The following MAGI2 variants were observed in gnomAD, a reference collection of about 807,000 sequenced individuals.
The protein encoded by MAGI2 is membrane associated guanylate kinase, WW and PDZ domain containing 2.
A neutral mutation model predicts 133.3 loss-of-function variants in MAGI2; 35 were observed. That is an observed-to-expected ratio of 0.26 (90% CI 0.20 to 0.35). The LOEUF is 0.35. Among genes scored for constraint, MAGI2 ranks in the 10% least tolerant of loss-of-function variants. The pLI, the probability that MAGI2 is intolerant of heterozygous loss-of-function variation, is 1.00. For synonymous variants in MAGI2, 729 were observed against 710.6 expected (o/e 1.03, Z -0.41); for missense variants, 1,636 against 1,863.4 (o/e 0.88, Z 2.25).
At chr7:78,467,737 C>T (rs1558700) in intron 6 of MAGI2, among the ~76,000 whole-genome samples, 146,133 of 152,204 alleles carry the variant, frequency 0.96, 70,455 homozygotes, top group South Asian at 1. Flanking sequence ...AAATGACTTA[C>T]GTACTAGGTT....
chr7:78,684,082 C>G lies in MAGI2; in HGVS notation c.419-56843G>C, dbSNP rs115387503. Among the ~76,000 whole-genome samples the G allele has an allele frequency of 1.2e-3, 187 of 152,236 alleles. 2 individuals carry two copies. Among genetic ancestry groups the G allele is most frequent in the African/African-American group, 4.3e-3 (177 of 41,546 alleles). On this transcript the variant is annotated intron_variant, in intron 2 of 21. Coordinates refer to ENST00000354212, the MANE Select transcript of MAGI2 (RefSeq NM_012301.4). Reference sequence around the variant, plus strand: ...CTTCATGCCAGATGCTCTTTTTGGACTGGCTAAGCCCAATATAGTATGTAT... The same window carrying G: ...CTTCATGCCAGATGCTCTTTTTGGAGTGGCTAAGCCCAATATAGTATGTAT...
chr7:78,056,331 G>T (rs150138350), intron 21 of MAGI2, among the ~76,000 whole-genome samples: 6,702 of 152,088 alleles, frequency 0.044, 197 homozygotes, highest in East Asian at 0.077. Context: ...TATACCCAAA[G>T]GAATATAAAT....
At chr7:79,007,860 G>A (rs1807611501) in intron 1 of MAGI2, among the ~76,000 whole-genome samples, 1 of 151,642 alleles carries the variant, frequency 6.6e-6, no homozygotes, top group African/African-American at 2.4e-5. Context: ...ATCTACAAAT[G>A]TTTTTAGCAA....
rs554467271 is a variant in MAGI2 at position 78,812,812 on chromosome 7, A to T, written c.419-185573T>A. ...TATCTTTTAACTAGGTTGAAATGGG[A>T]CTGATGAGCCCATTGCTTGGATGTG... is the stretch of plus-strand genomic sequence containing the variant. On this transcript the variant is annotated intron_variant, in intron 2 of 21. Coordinates refer to ENST00000354212, the MANE Select transcript of MAGI2 (RefSeq NM_012301.4). 3.3e-5 allele frequency among the ~76,000 whole-genome samples: 5 copies of T among 152,318 alleles called. No homozygotes were observed. In the East Asian group the frequency reaches 9.6e-4, roughly 29 times the overall value.
intron 1 of MAGI2, among the ~76,000 whole-genome samples, chr7:79,071,345 C>A (rs995318497): frequency 2.0e-5 from 3 of 152,022 alleles, no homozygotes; most frequent in Non-Finnish European, 4.4e-5. Flanking sequence ...GGCACCCCCC[C>A]AGATGCCAGC....
At chr7:78,283,648 T>C (rs1217416221) in intron 9 of MAGI2, among the ~76,000 whole-genome samples, 1 of 152,068 alleles carries the variant, frequency 6.6e-6, no homozygotes, top group Non-Finnish European at 1.5e-5. Context: ...CAATTTTTCA[T>C]GGGAGAGAAT....
chr7:78,111,848 A>T (rs574558088), intron 20 of MAGI2, among the ~76,000 whole-genome samples: 1 of 152,344 alleles, frequency 6.6e-6, no homozygotes, highest in South Asian at 2.1e-4. Context: ...GCTTGTAAAG[A>T]GGCACGCTGT....
intron 2 of MAGI2, among the ~76,000 whole-genome samples, chr7:78,705,030 T>G (rs1818491674): frequency 6.6e-6 from 1 of 151,956 alleles, no homozygotes; most frequent in South Asian, 2.1e-4. Context: ...GAGGGTATAT[T>G]TACACCACAG....
intron 2 of MAGI2, among the ~76,000 whole-genome samples, chr7:78,677,686 T>C (rs937702539): frequency 2.6e-5 from 4 of 152,152 alleles, no homozygotes; most frequent in Non-Finnish European, 4.4e-5. Flanking sequence ...ATGGATTTAC[T>C]GGGGATTCTT....
chr7:78,616,891 T>A (rs1182739554), intron 3 of MAGI2: 1 of 152,192 alleles, frequency 6.6e-6, no homozygotes, highest in African/African-American at 2.4e-5. Context: ...TAGGTGCCAG[T>A]GATTATTCTA....
intron 6 of MAGI2, among the ~76,000 whole-genome samples, chr7:78,430,302 T>C (rs556108738): frequency 1.4e-4 from 20 of 143,842 alleles, no homozygotes; most frequent in Admixed American, 1.1e-3. Context: ...GAAGAAATAC[T>C]TAGGAATTAA....
At chr7:78,954,335 T>G (rs1331827292) in intron 2 of MAGI2, among the ~76,000 whole-genome samples, 1 of 151,492 alleles carries the variant, frequency 6.6e-6, no homozygotes, top group Non-Finnish European at 1.5e-5. Flanking sequence ...GTTCTTTTTC[T>G]TTTTTTTTCC....
chr7:78,334,704 G>C (rs1003474710), intron 9 of MAGI2, among the ~76,000 whole-genome samples: 8 of 152,152 alleles, frequency 5.3e-5, no homozygotes, highest in Admixed American at 3.3e-4. Flanking sequence ...ACAGGCAGTC[G>C]TAGCCCAGGC....
At chr7:78,984,738 C>T (rs1395850137) in intron 2 of MAGI2, among the ~76,000 whole-genome samples, 3 of 151,952 alleles carry the variant, frequency 2.0e-5, no homozygotes, top group African/African-American at 4.8e-5. Flanking sequence ...ACTATCACCC[C>T]TGAATTTGCT....
chr7:78,798,133 C>A (rs894509317), intron 2 of MAGI2, among the ~76,000 whole-genome samples: 2 of 152,038 alleles, frequency 1.3e-5, no homozygotes, highest in African/African-American at 4.8e-5. Flanking sequence ...CATTCTTTAC[C>A]TTTGAGAATT....
At chr7:78,164,950 A>C (rs1825477650) in intron 15 of MAGI2, among the ~76,000 whole-genome samples, 1 of 152,164 alleles carries the variant, frequency 6.6e-6, no homozygotes, top group Admixed American at 6.5e-5. Context: ...GAAAAAAAAC[A>C]ACCAAATACT....
At chr7:79,326,380 C>T (rs1292518388) in intron 1 of MAGI2, among the ~76,000 whole-genome samples, 2 of 152,154 alleles carry the variant, frequency 1.3e-5, no homozygotes, top group African/African-American at 4.8e-5. Flanking sequence ...TAACTTAGCT[C>T]AGGTTACACT....
intron 9 of MAGI2, among the ~76,000 whole-genome samples, chr7:78,295,499 C>T (rs995206515): frequency 1.5e-4 from 23 of 152,160 alleles, no homozygotes; most frequent in Non-Finnish European, 1.0e-4. Context: ...TCTTATTCAG[C>T]GTCCTCAGTA....
chr7:79,167,067 A>G (rs1158155151), intron 1 of MAGI2, among the ~76,000 whole-genome samples: 1 of 152,026 alleles, frequency 6.6e-6, no homozygotes, highest in Non-Finnish European at 1.5e-5. Context: ...GAGAAGCTTT[A>G]TTTTATATGT....
Sources: gnomAD v4.1 joint callset for allele counts (sites outside exome capture counted in the v4.1 genomes callset) on GRCh38, gnomAD v4.1.1 for gene constraint, MANE v1.5 for transcripts, NCBI Gene and HGNC (gene_info 2026-07-23, HGNC 2026-07-21) for gene names.